STIM1: variants seen among roughly 807,000 people sequenced by gnomAD.
STIM1 encodes stromal interaction molecule 1.
A neutral mutation model predicts 74.7 loss-of-function variants in STIM1; 25 were observed. The ratio of observed to expected loss-of-function variants is 0.33; its 90% CI spans 0.24 to 0.47. The LOEUF is 0.47. Among genes scored for constraint, STIM1 ranks in the 20% least tolerant of loss-of-function variants. STIM1 has a pLI of 1.00. For missense variants in STIM1, 728 were observed against 920.8 expected (o/e 0.79, Z 2.71); for synonymous variants, 328 against 348.8 (o/e 0.94, Z 0.66).
chr11:4,086,954 T>TG, intron 12 of STIM1: 4 of 1,452,826 alleles, frequency 2.8e-6, no homozygotes, highest in South Asian at 1.4e-5. Context: ...TGATCAACTC[T>TG]GGGGGTGTGT....
At chr11:3,915,968 G>C (rs2092636946) in intron 1 of STIM1, among the ~76,000 whole-genome samples, 1 of 152,138 alleles carries the variant, frequency 6.6e-6, no homozygotes, top group Non-Finnish European at 1.5e-5. Flanking sequence ...TGAGGCAGGA[G>C]AGTCACTTTA....
intron 3 of STIM1, among the ~76,000 whole-genome samples, chr11:4,054,404 A>T (rs1039993447): frequency 6.6e-6 from 1 of 151,988 alleles, no homozygotes; most frequent in African/African-American, 2.4e-5. Context: ...GGGGTCCCCA[A>T]CCCCTGGGCC....
rs535715570 is a variant in STIM1, at chr11:3,889,671, C to T, written c.139+33262C>T. Among the ~76,000 whole-genome samples, 314 of 152,226 alleles carry T rather than the reference C, an allele frequency of 2.1e-3. 2 individuals are homozygous for T. The highest frequency in any genetic ancestry group is 0.01 in the Middle Eastern group (3 of 294). On this transcript the variant is annotated intron_variant, in intron 1 of 12. Coordinates refer to ENST00000526596, the MANE Select transcript of STIM1 (RefSeq NM_001382567.1). Reference sequence around the variant, plus strand: ...AAGAGGTTAAATTACTTGTTAAAGTCACTTTCTATTAGCCGTATCTAGGCG... The same window carrying T: ...AAGAGGTTAAATTACTTGTTAAAGTTACTTTCTATTAGCCGTATCTAGGCG...
chr11:3,974,579 TAAAAG>T (rs1455919038), intron 2 of STIM1, among the ~76,000 whole-genome samples: 2 of 151,846 alleles, frequency 1.3e-5, no homozygotes, highest in Admixed American at 6.6e-5. Context: ...AAGAGTCTCT[TAAAAG>T]AAAAGAAAAA....
chr11:3,989,267 C>A (rs1393140271), intron 2 of STIM1: 2 of 913,192 alleles, frequency 2.2e-6, no homozygotes, highest in Non-Finnish European at 3.7e-6. Context: ...TGGTTAGCCA[C>A]TTCGGCCTGT....
At chr11:4,012,220 T>G (rs1257818609) in intron 2 of STIM1, among the ~76,000 whole-genome samples, 2 of 152,188 alleles carry the variant, frequency 1.3e-5, no homozygotes, top group Non-Finnish European at 2.9e-5. Flanking sequence ...CTTTTTTGGT[T>G]CCATATGAAC....
At chr11:4,069,215 A>T (rs1200140416) in intron 5 of STIM1, among the ~76,000 whole-genome samples, 1 of 152,088 alleles carries the variant, frequency 6.6e-6, no homozygotes, top group Non-Finnish European at 1.5e-5. Context: ...TGATTGGCTA[A>T]GTTTTTAGGA....
At chr11:3,984,056 G>C (rs921307184) in intron 2 of STIM1, among the ~76,000 whole-genome samples, 2 of 151,902 alleles carry the variant, frequency 1.3e-5, no homozygotes, top group African/African-American at 4.8e-5. Flanking sequence ...GAGTAGAGAC[G>C]GGGTTTCATA....
At chr11:3,994,336 G>A (rs2093642669) in intron 2 of STIM1, among the ~76,000 whole-genome samples, 2 of 152,040 alleles carry the variant, frequency 1.3e-5, no homozygotes, top group Admixed American at 1.3e-4. Flanking sequence ...TCTATTTGTG[G>A]ATCTCTTTGC....
intron 2 of STIM1, among the ~76,000 whole-genome samples, chr11:4,013,194 T>C (rs555939315): frequency 6.6e-6 from 1 of 152,318 alleles, no homozygotes; most frequent in African/African-American, 2.4e-5. Context: ...TTTTATTTGT[T>C]GTGTCTCTGC....
At chr11:3,861,373 A>G (rs987483776) in intron 1 of STIM1, among the ~76,000 whole-genome samples, 2 of 151,872 alleles carry the variant, frequency 1.3e-5, no homozygotes, top group African/African-American at 4.8e-5. Flanking sequence ...GGCTGGGACT[A>G]CAGGCATCCG....
At chr11:3,962,228 C>T (rs1371610032) in intron 1 of STIM1, among the ~76,000 whole-genome samples, 4 of 152,104 alleles carry the variant, frequency 2.6e-5, no homozygotes, top group East Asian at 1.9e-4. Flanking sequence ...TGTCCCTTAC[C>T]GTCCTCCCCC....
chr11:4,011,032 T>G (rs2093831185), intron 2 of STIM1, among the ~76,000 whole-genome samples: 2 of 152,326 alleles, frequency 1.3e-5, no homozygotes, highest in South Asian at 4.1e-4. Flanking sequence ...TTCAAGTCCC[T>G]GAAAAGAACA....
At chr11:4,006,524 C>T (rs984928433) in intron 2 of STIM1, among the ~76,000 whole-genome samples, 1 of 152,208 alleles carries the variant, frequency 6.6e-6, no homozygotes, top group African/African-American at 2.4e-5. Context: ...AAGCGATTCT[C>T]CTTCCTCACC....
chr11:3,970,525 C>A (rs574479071), intron 2 of STIM1, among the ~76,000 whole-genome samples: 1 of 149,538 alleles, frequency 6.7e-6, no homozygotes, highest in East Asian at 2.0e-4. Flanking sequence ...GTTCTTTTGG[C>A]CATTGAGGAC....
At chr11:3,919,201 C>T (rs1565115328) in intron 1 of STIM1, among the ~76,000 whole-genome samples, 1 of 152,102 alleles carries the variant, frequency 6.6e-6, no homozygotes, top group East Asian at 1.9e-4. Flanking sequence ...TTCTTAGCCC[C>T]AACACCAAAC....
chr11:3,877,487 C>T (rs888826771), intron 1 of STIM1, among the ~76,000 whole-genome samples: 5 of 152,020 alleles, frequency 3.3e-5, no homozygotes, highest in Non-Finnish European at 7.4e-5. Context: ...TGTAGCCAGC[C>T]GTCAATCCCC....
In STIM1 at chr11:3,856,189, G is replaced by A. The variant is rs772581832; in HGVS notation, c.-82G>A. The stretch of plus-strand genomic sequence containing the variant: ...GAGGGCATCTTGCCTGGAGACCGTC[G>A]GCTGCACTCCCGGGCTCCTGGCTTT... On this transcript the variant is annotated 5_prime_UTR_variant, in exon 1 of 13. Coordinates refer to ENST00000526596, the MANE Select transcript of STIM1 (RefSeq NM_001382567.1). 1.3e-6 allele frequency: 2 copies of A among 1,588,106 alleles called. No homozygotes were observed. The highest frequency in any genetic ancestry group is 1.7e-6 in the Non-Finnish European group (2 of 1,160,766).
chr11:3,900,430 C>T (rs1031171692), intron 1 of STIM1, among the ~76,000 whole-genome samples: 13 of 152,186 alleles, frequency 8.5e-5, no homozygotes, highest in South Asian at 2.1e-4. Context: ...GTGCACGGTG[C>T]GCCGCACCCA....
Sources: allele counts gnomAD v4.1 joint callset (sites outside exome capture counted in the v4.1 genomes callset), GRCh38; gene constraint gnomAD v4.1.1; transcripts MANE v1.5; gene names NCBI Gene and HGNC (gene_info 2026-07-23, HGNC 2026-07-21).